LIMS2: variants seen among roughly 807,000 people sequenced by gnomAD.
LIMS2 encodes LIM zinc finger domain containing 2, also known as LIM and senescent cell antigen-like-containing domain protein 2.
LIMS2 carries 30 observed loss-of-function variants against 45.3 expected under a neutral mutation model. That is an observed-to-expected ratio of 0.66 (90% CI 0.50 to 0.90). The LOEUF is 0.90. LIMS2 is among the 40% of genes least tolerant of loss of function. LIMS2 has a pLI of 0.00. For synonymous variants in LIMS2, 173 were observed against 188.0 expected, an observed-to-expected ratio of 0.92 and a Z score of 0.65; for missense variants, 485 against 468.7, an observed-to-expected ratio of 1.03 and a Z score of -0.32.
chr2:127,662,800 A>C (rs1274969839), intron 1 of LIMS2, among the ~76,000 whole-genome samples: 1 of 151,824 alleles, frequency 6.6e-6, no homozygotes, highest in Non-Finnish European at 1.5e-5. Flanking sequence ...TAATAATAAT[A>C]AAATAAAAAA....
upstream of LIMS2, among the ~76,000 whole-genome samples, chr2:127,677,860 A>G (rs972356006): frequency 6.6e-6 from 1 of 152,164 alleles, no homozygotes; most frequent in African/African-American, 2.4e-5. This position sits in a 1 kb window ranked among gnomAD's most constrained non-coding sequence, Gnocchi z 5.0. Context: ...CTGGTCTATT[A>G]CACCCCGGAC....
At chr2:127,666,787 A>G (rs1201289574) in intron 1 of LIMS2, among the ~76,000 whole-genome samples, 1 of 152,190 alleles carries the variant, frequency 6.6e-6, no homozygotes. Flanking sequence ...CTTCTTCACA[A>G]GGTGGCAGGA....
intron 1 of LIMS2, among the ~76,000 whole-genome samples, chr2:127,660,127 G>A (rs1684521259): frequency 6.6e-6 from 1 of 152,190 alleles, no homozygotes; most frequent in Admixed American, 6.5e-5. Flanking sequence ...GATTGTAAAT[G>A]CACCAATCAG....
Position 127,664,674 on chromosome 2 carries a change from A to G in LIMS2, c.12-7112T>C, listed in dbSNP as rs1684911275. 1 of 1,000,504 alleles carries G rather than the reference A, an allele frequency of 1.0e-6. No homozygotes were observed. Among genetic ancestry groups the G allele is most frequent in the Non-Finnish European group, 1.2e-6 (1 of 824,462 alleles). 62.0% of individuals were successfully genotyped at this position (1,000,504 alleles called of 1,614,324 possible). ...CCGCTGGGAGGGGACTGGTCTGGGA[A>G]GGCCCCAGACAGCACTGAGGTGAGG... is the stretch of plus-strand genomic sequence containing the variant. On this transcript the variant is annotated intron_variant, in intron 1 of 9. Transcript: ENST00000355119. This position sits in a 1 kb window ranked among gnomAD's most constrained non-coding sequence, Gnocchi z 5.5.
chr2:127,669,593 C>T (rs968019817), intron 1 of LIMS2, among the ~76,000 whole-genome samples: 5 of 152,068 alleles, frequency 3.3e-5, no homozygotes, highest in Non-Finnish European at 7.4e-5. Flanking sequence ...TGGCACACGC[C>T]TGTAGTCCCA....
Position 127,672,166 on chromosome 2 carries a change from A to G in LIMS2, c.11+2848T>C, listed in dbSNP as rs1172955507. 2.0e-5 allele frequency among the ~76,000 whole-genome samples: 3 copies of G among 152,178 alleles called. No homozygotes were observed. The highest frequency in any genetic ancestry group is 4.4e-5 in the Non-Finnish European group (3 of 68,032). ...ACGTGGCCGTGGGTGTCAACATCCC[A>G]GGCTCCATTTCCAGGAATGCCAGGG... On this transcript the variant is annotated intron_variant, in intron 1 of 9. Transcript: ENST00000355119. This position sits in a 1 kb window ranked among gnomAD's most constrained non-coding sequence, Gnocchi z 4.9.
chr2:127,668,329 T>G (rs1007215924), intron 1 of LIMS2, among the ~76,000 whole-genome samples: 9 of 151,816 alleles, frequency 5.9e-5, no homozygotes, highest in African/African-American at 2.2e-4. Context: ...TTCCTAAAAT[T>G]TATATGAAAA....
In LIMS2 at chr2:127,664,818, G is replaced by A. The variant is rs1452616575; in HGVS notation, c.12-7256C>T. On this transcript the variant is annotated intron_variant, in intron 1 of 9. Transcript: ENST00000355119. This position sits in a 1 kb window ranked among gnomAD's most constrained non-coding sequence, Gnocchi z 5.5. ...AGCTGAGGAGGACAGGGAGGACCTG[G>A]CGCCTTTAGGATCCCTGCCAACAGT... Among the ~76,000 whole-genome samples the A allele has an allele frequency of 6.6e-6, 1 of 152,172 alleles. No homozygotes were observed. Among genetic ancestry groups the A allele is most frequent in the Admixed American group, 6.5e-5 (1 of 15,280 alleles).
At chr2:127,654,572 G>A (rs1196153994) in intron 3 of LIMS2, 28 bp from the exon 4 acceptor site, 11 of 1,613,782 alleles carry the variant, frequency 6.8e-6, no homozygotes, top group Non-Finnish European at 9.3e-6. Context: ...CCTGCTGGCT[G>A]GGGAGCACGT....
At chr2:127,658,690 C>T (rs1684423347) in intron 1 of LIMS2, among the ~76,000 whole-genome samples, 1 of 152,208 alleles carries the variant, frequency 6.6e-6, no homozygotes, top group Non-Finnish European at 1.5e-5. Flanking sequence ...ACCGGATACC[C>T]CACACCTTTT....
intron 1 of LIMS2, among the ~76,000 whole-genome samples, chr2:127,662,302 C>T (rs112904517): frequency 1.3e-5 from 2 of 152,096 alleles, no homozygotes; most frequent in East Asian, 1.9e-4. Context: ...CTCCTTCCAA[C>T]GAAGTCCTCA....
At chr2:127,675,783 G>A (rs1362470306), upstream of LIMS2, among the ~76,000 whole-genome samples, 1 of 152,156 alleles carries the variant, frequency 6.6e-6, no homozygotes, top group Non-Finnish European at 1.5e-5. Flanking sequence ...CGAGGCACCC[G>A]GGACCGCCGA....
intron 4 of LIMS2, among the ~76,000 whole-genome samples, chr2:127,649,550 T>C (rs1683482385): frequency 6.6e-6 from 1 of 152,242 alleles, no homozygotes; most frequent in Non-Finnish European, 1.5e-5. Flanking sequence ...CCTGCCCTGG[T>C]TCCGGGCTGC....
In LIMS2 at chr2:127,647,878, C is replaced by T. The variant is rs953001137; in HGVS notation, c.360-4806G>A. Among the ~76,000 whole-genome samples, 4 of 152,096 alleles carry T rather than the reference C, an allele frequency of 2.6e-5. No homozygotes were observed. Among genetic ancestry groups the T allele is most frequent in the Admixed American group, 6.5e-5 (1 of 15,272 alleles). On this transcript the variant is annotated intron_variant, in intron 4 of 9. Transcript: ENST00000355119. The surrounding 1 kb of genome is among the most constrained non-coding windows in gnomAD (Gnocchi z 4.3). Reference sequence around the variant, plus strand: ...ATGGGCCCCCCTCCCCTGCCACCGTCCCACCGGTACCTGCTCCCTGTTCTC... The same window carrying T: ...ATGGGCCCCCCTCCCCTGCCACCGTTCCACCGGTACCTGCTCCCTGTTCTC...
chr2:127,669,299 C>CA lies in LIMS2; in HGVS notation c.11+5714dup, dbSNP rs760543973. 2.4e-4 allele frequency among the ~76,000 whole-genome samples: 36 copies of CA among 150,592 alleles called. No individual in the cohort carries two copies. The Middle Eastern group carries it at 0.01, about 43-fold the overall frequency. ...TTAGGCAATAGTTTCCTAAACATGACAAAAAAAACTCAAGCAACTAAAGAA... is the reference window on the plus strand; with the variant it reads ...TTAGGCAATAGTTTCCTAAACATGACAAAAAAAAACTCAAGCAACTAAAGAA... On this transcript the variant is annotated intron_variant, in intron 1 of 9. Transcript: ENST00000355119.
intron 1 of LIMS2, among the ~76,000 whole-genome samples, chr2:127,663,999 T>C (rs531967603): frequency 6.6e-6 from 1 of 152,354 alleles, no homozygotes; most frequent in East Asian, 1.9e-4. Flanking sequence ...AGAACCTGTC[T>C]GCTCATCTAT....
chr2:127,657,359 A>C (rs1266114840), intron 2 of LIMS2, 44 bp downstream of exon 2: 1 of 1,610,878 alleles, frequency 6.2e-7, no homozygotes, highest in East Asian at 2.2e-5. Flanking sequence ...CATAGAGGGC[A>C]GACTCCGAGC....
In LIMS2 at chr2:127,654,655, G is replaced by A. The variant is rs1684125274; in HGVS notation, c.239-111C>T. 1.9e-6 allele frequency: 3 copies of A among 1,547,596 alleles called. No individual in the cohort carries two copies. The East Asian group carries it at 6.8e-5, about 35-fold the overall frequency. On this transcript the variant is annotated intron_variant, in intron 3 of 9. Coordinates refer to ENST00000355119, the MANE Select transcript of LIMS2 (RefSeq NM_001161403.3). ...CGCCTGCTCTCTGCCTGGCCCATGG[G>A]CTCCCTCGTGGGATGGTGATGCCTG...
intron 4 of LIMS2, 125 bp from the exon 5 acceptor site, chr2:127,643,197 C>T: frequency 9.2e-7 from 1 of 1,085,172 alleles, no homozygotes; most frequent in East Asian, 2.6e-5. Flanking sequence ...GGGGCTCAGC[C>T]CAGGGTATGG....
Sources: gnomAD v4.1 joint callset for allele counts (sites outside exome capture counted in the v4.1 genomes callset) on GRCh38, gnomAD v4.1.1 for gene constraint, Gnocchi (gnomAD v3.1) non-coding constraint, MANE v1.5 for transcripts, NCBI Gene and HGNC (gene_info 2026-07-23, HGNC 2026-07-21) for gene names.